GALNT12: variants seen among roughly 807,000 people sequenced by gnomAD.
The protein encoded by GALNT12 is polypeptide N-acetylgalactosaminyltransferase 12.
GALNT12 carries 45 observed loss-of-function variants against 55.5 expected under a neutral mutation model. That is an observed-to-expected ratio of 0.81 (90% CI 0.64 to 1.04). The LOEUF is 1.04. Ranked by LOEUF, GALNT12 falls within the 50% of genes least tolerant of loss-of-function variation. The pLI is 0.00. For synonymous variants in GALNT12, 304 were observed against 312.2 expected (o/e 0.97, Z 0.28); for missense variants, 709 against 754.8 (o/e 0.94, Z 0.71).
intron 9 of GALNT12, chr9:98,848,652 T>C (rs1836474006): frequency 2.3e-6 from 1 of 427,894 alleles, no homozygotes; most frequent in Non-Finnish European, 4.4e-6. Flanking sequence ...CAAAGGATCT[T>C]TGTTCCTGAT....
intron 6 of GALNT12, among the ~76,000 whole-genome samples, chr9:98,837,578 C>T (rs1836184944): frequency 6.6e-6 from 1 of 152,184 alleles, no homozygotes; most frequent in African/African-American, 2.4e-5. Context: ...TGAAGCTTAC[C>T]TAGCACGTGT....
chr9:98,825,833 G>C (rs1441776907), intron 2 of GALNT12, among the ~76,000 whole-genome samples: 1 of 152,064 alleles, frequency 6.6e-6, no homozygotes, highest in African/African-American at 2.4e-5. Context: ...AAAGTAGCTA[G>C]GTGTGGTGGT....
Position 98,835,354 on chromosome 9 carries a change from A to G in GALNT12, c.1023A>G (p.Glu341=). 1 of 1,591,046 alleles carries G rather than the reference A, an allele frequency of 6.3e-7. No homozygotes were observed. ...AAGTTTGGGGAGGAGAAAACCTCGA[A>G]TTTTCCTTTAGGGTAAGTATTTCAG... ...GMEVWGGENL[E]FSFRIWQCGG... is the part of the protein sequence containing the mutation. Residue 341 remains glutamate, a synonymous_variant, in exon 5 of 10, where the codon GAA becomes GAG. Coordinates refer to ENST00000375011, the MANE Select transcript of GALNT12 (RefSeq NM_024642.5).
chr9:98,838,717 T>C (rs1430022388), intron 6 of GALNT12, among the ~76,000 whole-genome samples: 1 of 152,206 alleles, frequency 6.6e-6, no homozygotes, highest in African/African-American at 2.4e-5. Context: ...TTTGCATAAC[T>C]AGTAGGGCTG....
chr9:98,843,536 A>G (rs1280102779), intron 7 of GALNT12, among the ~76,000 whole-genome samples: 1 of 151,838 alleles, frequency 6.6e-6, no homozygotes, highest in African/African-American at 2.4e-5. Flanking sequence ...TCTCCCAAGT[A>G]GCTGGTACTA....
intron 1 of GALNT12, among the ~76,000 whole-genome samples, chr9:98,816,817 A>ATT (rs35357602): frequency 2.1e-4 from 15 of 73,086 alleles, no homozygotes; most frequent in South Asian, 4.8e-4. Flanking sequence ...TGTCCAGCTA[A>ATT]TTTTTTTTTT....
At chr9:98,822,880 C>T (rs1271602101) in intron 1 of GALNT12, among the ~76,000 whole-genome samples, 1 of 152,098 alleles carries the variant, frequency 6.6e-6, no homozygotes, top group African/African-American at 2.4e-5. Flanking sequence ...AAGGGGCATT[C>T]CAGGCAGAGG....
intron 1 of GALNT12, among the ~76,000 whole-genome samples, chr9:98,815,305 C>T (rs1835586655): frequency 6.6e-6 from 1 of 152,140 alleles, no homozygotes; most frequent in African/African-American, 2.4e-5. Flanking sequence ...GTATCCAATA[C>T]TTTATTATAC....
chr9:98,849,202 C>T lies in GALNT12; in HGVS notation c.*110C>T. ...ACCCACCAAAAACTAGGCTGCATTG[C>T]TTTGAAGAGGCAATCATTTTGCCAT... On this transcript the variant is annotated 3_prime_UTR_variant, in exon 10 of 10. Transcript: ENST00000375011. 9.3e-7 allele frequency: 1 copy of T among 1,077,050 alleles called. No individual in the cohort carries two copies. The allele number at this position is 1,077,050 out of a possible 1,614,324, so 66.7% of individuals were successfully genotyped here.
intron 4 of GALNT12, 75 bp from the exon 5 acceptor site, chr9:98,835,174 T>C (rs1836107524): frequency 1.0e-6 from 1 of 981,874 alleles, no homozygotes; most frequent in East Asian, 2.4e-5. Flanking sequence ...AAAGGGCTCG[T>C]GGTGGGAAGG....
intron 5 of GALNT12, among the ~76,000 whole-genome samples, chr9:98,835,925 G>A (rs550840743): frequency 3.9e-4 from 59 of 152,188 alleles, no homozygotes; most frequent in Non-Finnish European, 6.9e-4. Flanking sequence ...TAGTATAGAC[G>A]AGGTTTCACC....
Position 98,849,182 on chromosome 9 carries a change from C to G in GALNT12, c.*90C>G. The G allele has an allele frequency of 7.3e-7, 1 of 1,362,284 alleles. No homozygotes were observed. Among genetic ancestry groups the G allele is most frequent in the South Asian group, 1.2e-5 (1 of 84,062 alleles). The allele number at this position is 1,362,284 out of a possible 1,614,324, so 84.4% of individuals were successfully genotyped here. ...TTAGCTAAGCAGTGACCAGAACCCA[C>G]CAAAAACTAGGCTGCATTGCTTTGA... On this transcript the variant is annotated 3_prime_UTR_variant, in exon 10 of 10. Coordinates refer to ENST00000375011, the MANE Select transcript of GALNT12 (RefSeq NM_024642.5).
chr9:98,848,786 C>A, intron 9 of GALNT12, 166 bp from the exon 10 acceptor site: 1 of 775,528 alleles, frequency 1.3e-6, no homozygotes, highest in Non-Finnish European at 2.1e-6. Context: ...AAGCCTGGTG[C>A]TGTGTCCCCG....
chr9:98,825,230 C>T (rs185902321), intron 2 of GALNT12, among the ~76,000 whole-genome samples: 1 of 152,204 alleles, frequency 6.6e-6, no homozygotes, highest in East Asian at 1.9e-4. Flanking sequence ...AATCTAAAGT[C>T]AAAGAGCGGA....
intron 5 of GALNT12, 85 bp downstream of exon 5, chr9:98,835,451 G>A: frequency 1.2e-6 from 1 of 850,652 alleles, no homozygotes; most frequent in Admixed American, 1.7e-5. Flanking sequence ...GAGCCTGGTG[G>A]ACCCTGAAAG....
chr9:98,830,427 C>T (rs1433839252), intron 3 of GALNT12, among the ~76,000 whole-genome samples: 3 of 152,184 alleles, frequency 2.0e-5, no homozygotes, highest in Non-Finnish European at 2.9e-5. Context: ...TGGTTCTGGC[C>T]CAGATGCCAA....
At chr9:98,840,431 T>A (rs1836260744) in intron 7 of GALNT12, among the ~76,000 whole-genome samples, 1 of 152,240 alleles carries the variant, frequency 6.6e-6, no homozygotes, top group South Asian at 2.1e-4. Context: ...CAACGCCTTA[T>A]CATATTACTT....
intron 1 of GALNT12, among the ~76,000 whole-genome samples, chr9:98,816,114 G>GTCGAACTT (rs1835605103): frequency 6.6e-6 from 1 of 152,096 alleles, no homozygotes; most frequent in East Asian, 1.9e-4. Flanking sequence ...CATTGAAATT[G>GTCGAACTT]TTTGCAGCTT....
Position 98,849,470 on chromosome 9 carries a change from G to C in GALNT12, c.*378G>C. 1 of 530,164 alleles carries C rather than the reference G, an allele frequency of 1.9e-6. No homozygotes were observed. The highest frequency in any genetic ancestry group is 3.2e-5 in the South Asian group (1 of 31,284). 32.8% of individuals were successfully genotyped at this position (530,164 alleles called of 1,614,324 possible). The stretch of plus-strand genomic sequence containing the variant: ...ATTTTGGTATTTACAAGAATTCCCA[G>C]GTACGAAGATATCTGCATGGGTGGA... On this transcript the variant is annotated 3_prime_UTR_variant, in exon 10 of 10. Coordinates refer to ENST00000375011, the MANE Select transcript of GALNT12 (RefSeq NM_024642.5).
Sources: allele counts gnomAD v4.1 joint callset (sites outside exome capture counted in the v4.1 genomes callset), GRCh38; gene constraint gnomAD v4.1.1; transcripts MANE v1.5; gene names NCBI Gene and HGNC (gene_info 2026-07-23, HGNC 2026-07-21).